The following FARS2 variants were observed in gnomAD, a reference collection of about 807,000 sequenced individuals.
FARS2 encodes the protein phenylalanyl-tRNA synthetase 2, mitochondrial.
Under a neutral mutation model 46.4 loss-of-function variants are expected in FARS2, and 40 were observed. That is an observed-to-expected ratio of 0.86 (90% confidence interval 0.67 to 1.12). The LOEUF is 1.12. Among genes scored for constraint, FARS2 ranks in the 50% most tolerant of loss-of-function variants. The probability of loss-of-function intolerance (pLI) is 0.00; values close to 1 mark genes in which losing one functional copy is unlikely to be tolerated. For missense variants in FARS2, 513 were observed against 567.9 expected, an observed-to-expected ratio of 0.90 and a Z score of 0.98; for synonymous variants, 234 against 214.9, an observed-to-expected ratio of 1.09 and a Z score of -0.78.
At chr6:5,256,305 T>C (rs933593909), upstream of FARS2, among the ~76,000 whole-genome samples, 10 of 151,132 alleles carry the variant, frequency 6.6e-5, no homozygotes, top group Admixed American at 1.3e-4. Context: ...GCCTGGCCAA[T>C]ATGGTGAAAC....
chr6:5,311,803 C>T lies in FARS2; in HGVS notation c.-22+50143C>T, dbSNP rs1287662139. On this transcript the variant is annotated intron_variant, in intron 1 of 6. Transcript: ENST00000274680. The surrounding 1 kb of genome is among the most constrained non-coding windows in gnomAD (Gnocchi z 4.1). ...AGAAGCAGCTCATGTTTGGATCTAGCTGTCAAAAATGAGAGATAAAAAGCC... is the reference window on the plus strand; with the variant it reads ...AGAAGCAGCTCATGTTTGGATCTAGTTGTCAAAAATGAGAGATAAAAAGCC... Among the ~76,000 whole-genome samples, 1 of 152,054 alleles carries T rather than the reference C, an allele frequency of 6.6e-6. No homozygotes were observed. The highest frequency in any genetic ancestry group is 6.6e-5 in the Admixed American group (1 of 15,254).
At chr6:5,536,718 A>G (rs1253009877) in intron 4 of FARS2, among the ~76,000 whole-genome samples, 1 of 152,214 alleles carries the variant, frequency 6.6e-6, no homozygotes, top group Non-Finnish European at 1.5e-5. Flanking sequence ...CTCTGTCTCC[A>G]AAAGGTTAAA....
At chr6:5,658,219 G>A (rs1777690666) in intron 6 of FARS2, among the ~76,000 whole-genome samples, 1 of 149,134 alleles carries the variant, frequency 6.7e-6, no homozygotes, top group South Asian at 2.1e-4. Context: ...TCGTGCCATT[G>A]CTCTCCAGCC....
chr6:5,731,519 T>C (rs2150937207), intron 6 of FARS2, among the ~76,000 whole-genome samples: 1 of 152,282 alleles, frequency 6.6e-6, no homozygotes, highest in African/African-American at 2.4e-5. Context: ...TGGGCGCCAT[T>C]CTTTGAGCAC....
chr6:5,428,949 T>G (rs116428401), intron 3 of FARS2, among the ~76,000 whole-genome samples: 2,226 of 152,276 alleles, frequency 0.015, 24 homozygotes, highest in Middle Eastern at 0.027. Flanking sequence ...AATCTTAAAA[T>G]AACCCTGATG....
intron 2 of FARS2, among the ~76,000 whole-genome samples, chr6:5,381,625 C>G (rs767514565): frequency 7.9e-5 from 12 of 152,208 alleles, no homozygotes; most frequent in African/African-American, 1.2e-4. Flanking sequence ...CTTTCCACAT[C>G]TGCCACTTTT....
intron 1 of FARS2, among the ~76,000 whole-genome samples, chr6:5,328,983 G>C (rs1343265230): frequency 6.6e-6 from 1 of 152,096 alleles, no homozygotes; most frequent in Admixed American, 6.5e-5. Context: ...TGAGCAGTTC[G>C]AGGGAGTGAA....
intron 1 of FARS2, among the ~76,000 whole-genome samples, chr6:5,317,177 A>G (rs1769583701): frequency 6.6e-6 from 1 of 152,244 alleles, no homozygotes. Flanking sequence ...AACAGTAAAA[A>G]CAGCTAACTC....
intron 5 of FARS2, among the ~76,000 whole-genome samples, chr6:5,574,957 G>GA (rs35821982): frequency 8.7e-5 from 13 of 149,982 alleles, no homozygotes; most frequent in South Asian, 4.2e-4. Context: ...ACGTTTGATT[G>GA]AAAAAAAAAA....
chr6:5,633,864 A>T (rs1455584450), intron 6 of FARS2, among the ~76,000 whole-genome samples: 1 of 152,170 alleles, frequency 6.6e-6, no homozygotes, highest in Non-Finnish European at 1.5e-5. Context: ...AACAGTAAAA[A>T]TCTCTTATCA....
At chr6:5,286,486 T>A (rs950848967) in intron 1 of FARS2, among the ~76,000 whole-genome samples, 3 of 152,162 alleles carry the variant, frequency 2.0e-5, no homozygotes, top group African/African-American at 4.8e-5. Flanking sequence ...TGTTAACTCC[T>A]GGGCTGAAGT....
chr6:5,459,781 C>T (rs1007934417), intron 4 of FARS2, among the ~76,000 whole-genome samples: 5 of 152,190 alleles, frequency 3.3e-5, no homozygotes, highest in Non-Finnish European at 5.9e-5. Flanking sequence ...CTTTTCCCCA[C>T]CTCCCTCCAC....
At chr6:5,511,136 C>T (rs1365846093) in intron 4 of FARS2, among the ~76,000 whole-genome samples, 1 of 152,102 alleles carries the variant, frequency 6.6e-6, no homozygotes, top group Admixed American at 6.5e-5. Context: ...TTTAGTCAAA[C>T]CAGCACATGA....
At chr6:5,644,060 G>T (rs1453301148) in intron 6 of FARS2, among the ~76,000 whole-genome samples, 2 of 152,078 alleles carry the variant, frequency 1.3e-5, no homozygotes, top group Non-Finnish European at 2.9e-5. Context: ...CATGCTTGTT[G>T]TGATGGCCCT....
chr6:5,381,345 A>G, intron 2 of FARS2, among the ~76,000 whole-genome samples: 1 of 148,796 alleles, frequency 6.7e-6, no homozygotes, highest in East Asian at 2.0e-4. Context: ...TGAGAGTCTG[A>G]TGAGAAATTT....
chr6:5,660,353 C>T (rs1420309672), intron 6 of FARS2, among the ~76,000 whole-genome samples: 1 of 152,166 alleles, frequency 6.6e-6, no homozygotes, highest in African/African-American at 2.4e-5. Context: ...GCTTTAAGAG[C>T]AGTGAGCAGG....
chr6:5,650,395 C>CATA (rs1447671477), intron 6 of FARS2, among the ~76,000 whole-genome samples: 2 of 151,912 alleles, frequency 1.3e-5, no homozygotes, highest in East Asian at 3.9e-4. Flanking sequence ...TCACATCAGC[C>CATA]ATAATTCTGC....
chr6:5,393,203 C>T (rs1166608401), intron 2 of FARS2, among the ~76,000 whole-genome samples: 6 of 151,916 alleles, frequency 3.9e-5, no homozygotes, highest in Non-Finnish European at 2.9e-5. Context: ...TCCTGTAATG[C>T]ACAGGTAGAC....
At chr6:5,373,297 C>T (rs191535180) in intron 2 of FARS2, among the ~76,000 whole-genome samples, 97 of 152,206 alleles carry the variant, frequency 6.4e-4, no homozygotes, top group African/African-American at 2.3e-3. Context: ...ATCTCTACCT[C>T]ACACTAAATC....
Sources: gnomAD v4.1 joint callset for allele counts (sites outside exome capture counted in the v4.1 genomes callset) on GRCh38, gnomAD v4.1.1 for gene constraint, Gnocchi (gnomAD v3.1) non-coding constraint, MANE v1.5 for transcripts, NCBI Gene and HGNC (gene_info 2026-07-23, HGNC 2026-07-21) for gene names.